The following ESR1 variants were observed in gnomAD, a reference collection of about 807,000 sequenced individuals.
The protein encoded by ESR1 is estrogen receptor 1.
ESR1 carries 12 observed loss-of-function variants against 52.7 expected under a neutral mutation model. That is an observed-to-expected ratio of 0.23 (90% CI 0.15 to 0.37). The LOEUF (loss-of-function observed/expected upper bound fraction) is 0.37. Ranked by LOEUF, ESR1 falls within the 10% of genes least tolerant of loss-of-function variation. The pLI is 1.00. For missense variants in ESR1, 584 were observed against 779.7 expected, an observed-to-expected ratio of 0.75 and a Z score of 2.99; for synonymous variants, 305 against 316.8, an observed-to-expected ratio of 0.96 and a Z score of 0.39.
At chr6:151,969,525 C>T (rs1417365124) in intron 4 of ESR1, among the ~76,000 whole-genome samples, 1 of 152,168 alleles carries the variant, frequency 6.6e-6, no homozygotes, top group Non-Finnish European at 1.5e-5. Flanking sequence ...TTAATTATTC[C>T]AGTAGACAGT....
chr6:152,079,194 A>AC (rs1192827507), intron 6 of ESR1, among the ~76,000 whole-genome samples: 1 of 151,964 alleles, frequency 6.6e-6, no homozygotes, highest in Non-Finnish European at 1.5e-5. Flanking sequence ...CAGGTCCCTG[A>AC]CCCCCATGTA....
intron 6 of ESR1, among the ~76,000 whole-genome samples, chr6:152,074,940 G>A (rs1241165181): frequency 6.6e-6 from 1 of 152,168 alleles, no homozygotes; most frequent in African/African-American, 2.4e-5. Flanking sequence ...CAGGTTGTTT[G>A]CGTTCTTATC....
intron 2 of ESR1, among the ~76,000 whole-genome samples, chr6:151,791,175 A>G (rs1226847282): frequency 6.6e-6 from 1 of 152,158 alleles, no homozygotes; most frequent in Non-Finnish European, 1.5e-5. Flanking sequence ...CTGTGGTTAC[A>G]GGCTGATGTG....
At chr6:151,733,843 T>C (rs1562364802) in intron 2 of ESR1, among the ~76,000 whole-genome samples, 1 of 152,202 alleles carries the variant, frequency 6.6e-6, no homozygotes, top group Admixed American at 6.5e-5. Context: ...GAGCTGTCTC[T>C]CTGAAGGGAA....
At chr6:151,844,355 A>G (rs542704046) in intron 2 of ESR1, among the ~76,000 whole-genome samples, 1 of 152,276 alleles carries the variant, frequency 6.6e-6, no homozygotes, top group Admixed American at 6.5e-5. Flanking sequence ...TTTACCAAGC[A>G]TTTAATTTGG....
intron 3 of ESR1, among the ~76,000 whole-genome samples, chr6:151,930,650 C>A (rs1387064955): frequency 3.3e-5 from 5 of 152,096 alleles, no homozygotes; most frequent in Admixed American, 3.3e-4. Flanking sequence ...TTATGTAGAT[C>A]CAAGTTTCTG....
chr6:151,767,561 A>G (rs535692071), intron 2 of ESR1, among the ~76,000 whole-genome samples: 262 of 152,336 alleles, frequency 1.7e-3, no homozygotes, highest in African/African-American at 5.8e-3. Context: ...CAAATTAGTG[A>G]TAGGTAAATA....
At chr6:151,983,237 A>G (rs1424987811) in intron 4 of ESR1, among the ~76,000 whole-genome samples, 1 of 152,144 alleles carries the variant, frequency 6.6e-6, no homozygotes, top group Admixed American at 6.5e-5. Context: ...TTGAAAAACC[A>G]ATAAAAATTC....
chr6:151,986,903 A>ATGTG lies in ESR1; in HGVS notation c.1097-24738_1097-24735dup, dbSNP rs140628128. On this transcript the variant is annotated intron_variant, in intron 4 of 7. Coordinates refer to ENST00000206249, the MANE Select transcript of ESR1 (RefSeq NM_000125.4). ...ATGCTCACGGAGTATGTGTGTGAGCATGTGTGTGTGTGTGTGTGCACGCGA... is the reference window on the plus strand; with the variant it reads ...ATGCTCACGGAGTATGTGTGTGAGCATGTGTGTGTGTGTGTGTGTGTGCACGCGA... 1.8e-3 allele frequency among the ~76,000 whole-genome samples: 276 copies of ATGTG among 150,020 alleles called. 4 individuals carry two copies. Among genetic ancestry groups the ATGTG allele is most frequent in the African/African-American group, 6.7e-3 (275 of 40,976 alleles).
chr6:151,990,512 A>G (rs1351843166), intron 4 of ESR1, among the ~76,000 whole-genome samples: 1 of 152,068 alleles, frequency 6.6e-6, no homozygotes, highest in African/African-American at 2.4e-5. Context: ...AGGATGAGGA[A>G]AGTGAAGGTG....
At chr6:151,762,378 T>C (rs1490880612) in intron 2 of ESR1, among the ~76,000 whole-genome samples, 1 of 152,206 alleles carries the variant, frequency 6.6e-6, no homozygotes. Context: ...CAAGTTATTT[T>C]TTATAAATTA....
chr6:151,720,203 T>A (rs1040041472), intron 2 of ESR1, among the ~76,000 whole-genome samples: 1 of 152,202 alleles, frequency 6.6e-6, no homozygotes, highest in African/African-American at 2.4e-5. Flanking sequence ...TGCTGAGTGT[T>A]CTACCTCTAG....
chr6:152,099,209 C>T lies in ESR1; in HGVS notation c.*243C>T. 1 of 559,370 alleles carries T rather than the reference C, an allele frequency of 1.8e-6. No individual in the cohort carries two copies. Among genetic ancestry groups the T allele is most frequent in the Admixed American group, 2.8e-5 (1 of 35,136 alleles). 34.7% of individuals were successfully genotyped at this position (559,370 alleles called of 1,614,324 possible). On this transcript the variant is annotated 3_prime_UTR_variant, in exon 8 of 8. Coordinates refer to ENST00000206249, the MANE Select transcript of ESR1 (RefSeq NM_000125.4). ...TTGTAACAGCTCTCTTTCCCCCTTGCTATGTTACTAAGCGTGAGGATTCCC... is the reference window on the plus strand; with the variant it reads ...TTGTAACAGCTCTCTTTCCCCCTTGTTATGTTACTAAGCGTGAGGATTCCC...
At chr6:151,894,120 G>T (rs1158122591) in intron 3 of ESR1, among the ~76,000 whole-genome samples, 1 of 152,132 alleles carries the variant, frequency 6.6e-6, no homozygotes, top group Non-Finnish European at 1.5e-5. Context: ...TTGCATTGTG[G>T]TTTTGAGTTG....
At chr6:152,064,968 G>A (rs2047851114) in intron 6 of ESR1, among the ~76,000 whole-genome samples, 1 of 152,202 alleles carries the variant, frequency 6.6e-6, no homozygotes, top group Admixed American at 6.5e-5. Context: ...GGGGGAAATT[G>A]TGTAGGAAGT....
chr6:151,926,004 C>G (rs1193117246), intron 3 of ESR1, among the ~76,000 whole-genome samples: 1 of 152,042 alleles, frequency 6.6e-6, no homozygotes, highest in African/African-American at 2.4e-5. Flanking sequence ...ATAAGTTTTT[C>G]TTTTTCCACA....
chr6:151,979,358 AT>A (rs1384814073), intron 4 of ESR1, among the ~76,000 whole-genome samples: 1 of 152,176 alleles, frequency 6.6e-6, no homozygotes, highest in Non-Finnish European at 1.5e-5. Context: ...TAAGAACAAA[AT>A]TGGTTTAAAT....
Position 151,905,654 on chromosome 6 carries a change from G to A in ESR1, c.760+24883G>A, listed in dbSNP as rs1417913515. Among the ~76,000 whole-genome samples, 4 of 152,026 alleles carry A rather than the reference G, an allele frequency of 2.6e-5. No homozygotes were observed. The East Asian group carries it at 7.7e-4, about 29-fold the overall frequency. On this transcript the variant is annotated intron_variant, in intron 3 of 7. Coordinates refer to ENST00000206249, the MANE Select transcript of ESR1 (RefSeq NM_000125.4). ...TTTTTGATTAAAAAAAGGAACTTTT[G>A]GTTTAAAGTAAGATGTTCAGCTGCT...
chr6:152,045,424 T>G (rs991178563), intron 5 of ESR1, among the ~76,000 whole-genome samples: 2 of 152,086 alleles, frequency 1.3e-5, no homozygotes, highest in African/African-American at 4.8e-5. Flanking sequence ...CCACTGGTGT[T>G]AGGGGAGTCC....
Sources: gnomAD v4.1 joint callset for allele counts (sites outside exome capture counted in the v4.1 genomes callset) on GRCh38, gnomAD v4.1.1 for gene constraint, MANE v1.5 for transcripts, NCBI Gene and HGNC (gene_info 2026-07-23, HGNC 2026-07-21) for gene names.